CNTN6: variants seen among roughly 807,000 people sequenced by gnomAD.
CNTN6 encodes the protein contactin 6.
In CNTN6, 137 loss-of-function variants were observed where a neutral mutation model predicts 122.8. The ratio of observed to expected loss-of-function variants is 1.12; its 90% CI spans 0.97 to 1.29. The LOEUF (loss-of-function observed/expected upper bound fraction) is 1.29, where lower values mean the gene tolerates loss of function less well. Ranked by LOEUF, CNTN6 falls within the 50% of genes most tolerant of loss-of-function variation. The pLI, the probability that CNTN6 is intolerant of heterozygous loss-of-function variation, is 0.00. For missense variants in CNTN6, 1,634 were observed against 1,223.4 expected (o/e 1.34, Z -5.01); for synonymous variants, 570 against 426.0 (o/e 1.34, Z -4.16).
In CNTN6 at chr3:1,134,059, T is replaced by C. The variant is rs201444851; in HGVS notation, c.-82-13868T>C. On this transcript the variant is annotated intron_variant, in intron 1 of 22. Coordinates refer to ENST00000446702, the MANE Select transcript of CNTN6 (RefSeq NM_001289080.2). ...ATCCAGGTAGCTAACAATAATACTG[T>C]GCTTCCTGTAAATAATATGGAAAGA... is the stretch of plus-strand genomic sequence containing the variant. Among the ~76,000 whole-genome samples, 3 of 152,246 alleles carry C rather than the reference T, an allele frequency of 2.0e-5. No homozygotes were observed. The East Asian group carries it at 5.8e-4, about 29-fold the overall frequency.
At chr3:1,248,604 G>A (rs1405432243) in intron 4 of CNTN6, among the ~76,000 whole-genome samples, 1 of 152,164 alleles carries the variant, frequency 6.6e-6, no homozygotes, top group Non-Finnish European at 1.5e-5. Flanking sequence ...TGGATTGCGT[G>A]AGTTCAGGAG....
chr3:1,402,778 A>C, intron 22 of CNTN6: 2 of 262,274 alleles, frequency 7.6e-6, no homozygotes, highest in Admixed American at 4.9e-5. Context: ...AAAAATCAGA[A>C]AGATTTTTCA....
At position 1,403,687 on chromosome 3, in the gene CNTN6, T is replaced by G. The variant is rs1696013661; in HGVS notation, c.*269T>G. The G allele has an allele frequency of 1.3e-5, 3 of 227,266 alleles. No individual in the cohort carries two copies. The highest frequency in any genetic ancestry group is 1.7e-5 in the Non-Finnish European group (2 of 118,326). 14.1% of individuals were successfully genotyped at this position (227,266 alleles called of 1,614,324 possible). On this transcript the variant is annotated 3_prime_UTR_variant, in exon 23 of 23. Coordinates refer to ENST00000446702, the MANE Select transcript of CNTN6 (RefSeq NM_001289080.2). ...TAACTGCTGTGTCTTTTAAGTTACT[T>G]ATATGGAGAAAATAAATAACTCCCC...
chr3:1,186,233 T>C (rs973568052), intron 2 of CNTN6, among the ~76,000 whole-genome samples: 1 of 152,162 alleles, frequency 6.6e-6, no homozygotes, highest in East Asian at 1.9e-4. Flanking sequence ...GTCACAGAGA[T>C]GGCTGATGTT....
At chr3:1,196,455 T>TTTTTTG (rs939464530) in intron 2 of CNTN6, among the ~76,000 whole-genome samples, 4 of 152,210 alleles carry the variant, frequency 2.6e-5, no homozygotes, top group Non-Finnish European at 4.4e-5. Context: ...AAGAAGAGAT[T>TTTTTTG]TTTTTGTTTT....
Position 1,295,732 on chromosome 3 carries a change from T to G in CNTN6, c.586T>G (p.Cys196Gly), listed in dbSNP as rs1291581048. Residue 196 changes from cysteine (C) to glycine (G), a missense_variant, in exon 6 of 23, where the codon TGC (cysteine) becomes GGC (glycine). Physicochemically the swap from Cys to Gly is radical, Grantham distance 159. Transcript: ENST00000446702. ...VEPSDVGNYT[C>G]FITNKEAQRS... is the part of the protein sequence containing the mutation. ...ACCATCAGATGTGGGCAACTACACT[T>G]GCTTTATAACTAACAAAGAGGCCCA... The G allele has an allele frequency of 1.2e-6, 2 of 1,613,978 alleles. No homozygotes were observed. Among genetic ancestry groups the G allele is most frequent in the Admixed American group, 1.7e-5 (1 of 59,998 alleles).
At chr3:1,329,726 T>G in intron 10 of CNTN6, 59 bp from the exon 11 acceptor site, 1 of 1,438,392 alleles carries the variant, frequency 7.0e-7, no homozygotes, top group Non-Finnish European at 9.5e-7. Context: ...AAGTCACCCC[T>G]GGAGTCACTA....
chr3:1,149,987 T>C (rs2092803784), intron 2 of CNTN6, among the ~76,000 whole-genome samples: 2 of 145,346 alleles, frequency 1.4e-5, no homozygotes, highest in African/African-American at 5.4e-5. Flanking sequence ...GTCCTGTTGC[T>C]TTATTCTGAT....
intron 7 of CNTN6, among the ~76,000 whole-genome samples, chr3:1,308,795 G>A (rs1330899726): frequency 6.6e-6 from 1 of 151,892 alleles, no homozygotes; most frequent in Non-Finnish European, 1.5e-5. Context: ...GATATTGTGT[G>A]TGTTTTTGTT....
chr3:1,133,645 C>G (rs556111675), intron 1 of CNTN6, among the ~76,000 whole-genome samples: 1 of 148,014 alleles, frequency 6.8e-6, no homozygotes, highest in Admixed American at 6.7e-5. Context: ...ACTTTATTTT[C>G]TTTTCCATTT....
chr3:1,383,148 T>C lies in CNTN6; in HGVS notation c.2373T>C (p.Thr791=). Residue 791 remains threonine, a synonymous_variant, in exon 18 of 23, where the codon ACT becomes ACC. Transcript: ENST00000446702. ...YNNEGEGSLS[T]VTIVYSGEDE... The stretch of plus-strand genomic sequence containing the variant: ...ATGAAGGAGAAGGATCCCTGAGTAC[T>C]GTGACCATTGTCTACTCTGGGGAAG... The C allele has an allele frequency of 1.9e-6, 3 of 1,613,832 alleles. No homozygotes were observed. Among genetic ancestry groups the C allele is most frequent in the Non-Finnish European group, 2.5e-6 (3 of 1,179,724 alleles).
chr3:1,344,356 G>C (rs372715417), intron 11 of CNTN6, among the ~76,000 whole-genome samples: 22 of 152,142 alleles, frequency 1.4e-4, no homozygotes, highest in Non-Finnish European at 2.6e-4. Context: ...CAGACAGGCT[G>C]TATAGAGAAA....
chr3:1,144,610 A>G (rs2092685638), intron 1 of CNTN6, among the ~76,000 whole-genome samples: 1 of 152,008 alleles, frequency 6.6e-6, no homozygotes, highest in African/African-American at 2.4e-5. Flanking sequence ...ATAAAAAATA[A>G]AAAAAGAATG....
At chr3:1,305,042 T>C (rs926789499) in intron 7 of CNTN6, among the ~76,000 whole-genome samples, 2 of 150,922 alleles carry the variant, frequency 1.3e-5, no homozygotes, top group African/African-American at 4.9e-5. Flanking sequence ...ATTCAAGCTG[T>C]GTTTTAATGA....
At chr3:1,278,652 A>G in intron 5 of CNTN6, 144 bp downstream of exon 5, 1 of 513,794 alleles carries the variant, frequency 1.9e-6, no homozygotes, top group Admixed American at 3.5e-5. Flanking sequence ...GCATACAAAT[A>G]GTTCTATATC....
intron 7 of CNTN6, among the ~76,000 whole-genome samples, chr3:1,305,133 C>G (rs888937852): frequency 7.9e-5 from 12 of 152,048 alleles, no homozygotes; most frequent in African/African-American, 2.9e-4. Context: ...GCAATGTACA[C>G]CATTTCTAAA....
At chr3:1,365,860 TACTA>T (rs1400524002) in intron 12 of CNTN6, among the ~76,000 whole-genome samples, 12 of 152,168 alleles carry the variant, frequency 7.9e-5, no homozygotes, top group African/African-American at 2.4e-4. Context: ...CTTGAAGTAT[TACTA>T]ACCAGGAACA....
chr3:1,146,751 T>C (rs1211247929), intron 1 of CNTN6, among the ~76,000 whole-genome samples: 1 of 152,006 alleles, frequency 6.6e-6, no homozygotes, highest in Non-Finnish European at 1.5e-5. Flanking sequence ...AACAAACAAA[T>C]AAATAAATGC....
chr3:1,212,492 T>TATACAC (rs1389504086), intron 2 of CNTN6, among the ~76,000 whole-genome samples: 9 of 121,216 alleles, frequency 7.4e-5, no homozygotes, highest in Non-Finnish European at 1.5e-4. Context: ...TGTGTATATA[T>TATACAC]ATACATGTGT....
Sources: allele counts gnomAD v4.1 joint callset (sites outside exome capture counted in the v4.1 genomes callset), GRCh38; gene constraint gnomAD v4.1.1; transcripts MANE v1.5; gene names NCBI Gene and HGNC (gene_info 2026-07-23, HGNC 2026-07-21).